NPHS1: variants seen among roughly 807,000 people sequenced by gnomAD.
The protein encoded by NPHS1 is NPHS1 adhesion molecule, nephrin, also known as nephrin.
In NPHS1, 107 loss-of-function variants were observed where a neutral mutation model predicts 139.7. That is an observed-to-expected ratio of 0.77 (90% CI 0.66 to 0.90). The LOEUF is 0.90. Ranked by LOEUF, NPHS1 falls within the 40% of genes least tolerant of loss-of-function variation. The pLI is 0.00. For synonymous variants in NPHS1, 707 were observed against 706.6 expected, an observed-to-expected ratio of 1.00 and a Z score of -0.01; for missense variants, 1,580 against 1,654.2, an observed-to-expected ratio of 0.96 and a Z score of 0.78.
rs768248111 is a variant in NPHS1 at position 35,844,225 on chromosome 19, C to A, written c.2090G>T (p.Arg697Leu). 6.2e-7 allele frequency: 1 copy of A among 1,612,934 alleles called. No individual in the cohort carries two copies. Among genetic ancestry groups the A allele is most frequent in the Non-Finnish European group, 8.5e-7 (1 of 1,179,896 alleles). ...RLSPAGGPRH[R>L]ILSSGALHLW... is the part of the protein sequence containing the mutation. ...ATGCAGAGCCCCGCTGGACAGGATG[C>A]GATGCCGGGGGCCGCCCGCTGGGGA... The change falls in exon 16 of 29, where the codon CGC (arginine) becomes CTC (leucine). Residue 697 changes from arginine to leucine, a missense_variant. By Grantham distance (102) the Arg-to-Leu change is moderately radical. Coordinates refer to ENST00000378910, the MANE Select transcript of NPHS1 (RefSeq NM_004646.4).
chr19:35,851,824 G>T lies in NPHS1; in HGVS notation c.14C>A (p.Thr5Lys), dbSNP rs191850409. Residue 5 changes from threonine (T) to lysine (K), a missense_variant, in exon 1 of 29, where the codon ACG becomes AAG. Thr to Lys is a moderately conservative substitution (Grantham distance 78). Coordinates refer to ENST00000378910, the MANE Select transcript of NPHS1 (RefSeq NM_004646.4). ...GAGCAGGAGAGAAGCCCTGAGCGTC[G>T]TCCCCAGGGCCATCACAGGTCCCCC... is the stretch of plus-strand genomic sequence containing the variant. Reference protein sequence around the residue: MALGTTLRASLLLLG... With the variant: MALGKTLRASLLLLG... 2 of 1,551,742 alleles carry T rather than the reference G, an allele frequency of 1.3e-6. No individual in the cohort carries two copies. The highest frequency in any genetic ancestry group is 2.7e-5 in the African/African-American group (2 of 73,038).
Position 35,831,326 on chromosome 19 carries a change from C to T in NPHS1, c.3357G>A (p.Trp1119Ter). ...RVRNEYEESQWTGERDTQSST... is the reference protein window; with the variant it reads ...RVRNEYEESQ ...AGCTCTGAGTGTCCCGCTCTCCTGT[C>T]CACTGGCTCTCCTCATATTCGTTCC... The change falls in exon 26 of 29, where the codon TGG (tryptophan) becomes TGA (stop). Residue 1119 changes from tryptophan to a stop codon, truncating the protein, a stop_gained. Transcript: ENST00000378910. LOFTEE classifies it high-confidence loss of function. The T allele has an allele frequency of 6.2e-7, 1 of 1,614,118 alleles. No homozygotes were observed. The highest frequency in any genetic ancestry group is 8.5e-7 in the Non-Finnish European group (1 of 1,180,012).
At position 35,825,911 on chromosome 19, in the gene NPHS1, G is replaced by A. The variant is rs1972795037; in HGVS notation, c.*603C>T. ...AAAACTTTACTTCATGAAGCACTTA[G>A]GGACCCTCAGAATAGCATTTTATTT... On this transcript the variant is annotated 3_prime_UTR_variant, in exon 29 of 29. Coordinates refer to ENST00000378910, the MANE Select transcript of NPHS1 (RefSeq NM_004646.4). 6.6e-6 allele frequency: 1 copy of A among 152,376 alleles called. No homozygotes were observed. The highest frequency in any genetic ancestry group is 1.5e-5 in the Non-Finnish European group (1 of 68,230). The allele number at this position is 152,376 out of a possible 1,614,324, so 9.4% of individuals were successfully genotyped here.
At chr19:35,841,657 A>T (rs1264296874) in intron 20 of NPHS1, 58 bp downstream of exon 20, 2 of 1,597,516 alleles carry the variant, frequency 1.3e-6, no homozygotes, top group Non-Finnish European at 1.7e-6. Flanking sequence ...CCAATCAGGG[A>T]TGTGGGAATG....
In NPHS1 at chr19:35,848,397, C is replaced by T; in HGVS notation, c.1171G>A (p.Gly391Arg). The change falls in exon 10 of 29, where the codon GGA becomes AGA. Residue 391 changes from glycine (G) to arginine (R), a missense_variant and splice_region_variant. By Grantham distance (125) the Gly-to-Arg change is moderately radical (BLOSUM62 -2). Transcript: ENST00000378910. ...ATGGAGATGTGACCGCCATGCAGTCCCTGGCAGGGAGTGAGCTTCAGACGT... is the reference window on the plus strand; with the variant it reads ...ATGGAGATGTGACCGCCATGCAGTCTCTGGCAGGGAGTGAGCTTCAGACGT... The part of the protein sequence containing the change: ...LLPMEETVMD[G>R]LHGGHISMSN... 1 of 1,614,118 alleles carries T rather than the reference C, an allele frequency of 6.2e-7. No homozygotes were observed. Among genetic ancestry groups the T allele is most frequent in the Non-Finnish European group, 8.5e-7 (1 of 1,180,020 alleles).
At chr19:35,841,993 T>C (rs1973062789) in intron 19 of NPHS1, 127 bp from the exon 20 acceptor site, 5 of 1,402,094 alleles carry the variant, frequency 3.6e-6, no homozygotes, top group African/African-American at 2.9e-5. Flanking sequence ...TATCTTTTCA[T>C]CCACTCAACC....
chr19:35,831,344 T>G lies in NPHS1; in HGVS notation c.3339A>C (p.Glu1113Asp). ...CTCCTGTCCACTGGCTCTCCTCATATTCGTTCCTGACTCGGTCCTCTTCCG... is the reference window on the plus strand; with the variant it reads ...CTCCTGTCCACTGGCTCTCCTCATAGTCGTTCCTGACTCGGTCCTCTTCCG... ...AGSEEDRVRN[E>D]YEESQWTGER... is the part of the protein sequence containing the mutation. Residue 1113 changes from glutamate to aspartate, a missense_variant, in exon 26 of 29, where the codon GAA becomes GAC. By Grantham distance (45) the Glu-to-Asp change is conservative (BLOSUM62 2). Coordinates refer to ENST00000378910, the MANE Select transcript of NPHS1 (RefSeq NM_004646.4). 1 of 1,614,016 alleles carries G rather than the reference T, an allele frequency of 6.2e-7. No homozygotes were observed. Among genetic ancestry groups the G allele is most frequent in the Non-Finnish European group, 8.5e-7 (1 of 1,179,990 alleles).
At position 35,846,012 on chromosome 19, in the gene NPHS1, C is replaced by A. The variant is rs999624549; in HGVS notation, c.1623G>T (p.Val541=). ...GQLSASTQLA[V]QFPPTNVTIL... Reference sequence around the variant, plus strand: ...CTCAGCAGTGCGAGCCCTCACACTGCACCGCCAGCTGCGTGGACGCGCTGA... The same window carrying A: ...CTCAGCAGTGCGAGCCCTCACACTGAACCGCCAGCTGCGTGGACGCGCTGA... Residue 541 remains valine, a synonymous_variant, in exon 12 of 29, where the codon GTG becomes GTT. Coordinates refer to ENST00000378910, the MANE Select transcript of NPHS1 (RefSeq NM_004646.4). 10 of 1,577,538 alleles carry A rather than the reference C, an allele frequency of 6.3e-6. No homozygotes were observed. The highest frequency in any genetic ancestry group is 2.3e-5 in the South Asian group (2 of 86,286).
chr19:35,840,280 C>T (rs959512362), intron 20 of NPHS1, among the ~76,000 whole-genome samples: 2 of 151,830 alleles, frequency 1.3e-5, no homozygotes, highest in Non-Finnish European at 2.9e-5. Flanking sequence ...GCTGGGATTA[C>T]AGGCATGAGC....
intron 28 of NPHS1, among the ~76,000 whole-genome samples, chr19:35,830,225 T>G (rs1406462859): frequency 6.6e-6 from 1 of 152,202 alleles, no homozygotes; most frequent in Non-Finnish European, 1.5e-5. Flanking sequence ...GTGACTCTCT[T>G]CCCACCAGGG....
chr19:35,834,705 C>T (rs1000115851), intron 23 of NPHS1, among the ~76,000 whole-genome samples: 7 of 151,504 alleles, frequency 4.6e-5, no homozygotes, highest in South Asian at 2.1e-4. Context: ...TCCTGGCTAA[C>T]GCGGTGAAAC....
At chr19:35,846,329 T>A (rs1023373260) in intron 11 of NPHS1, 135 bp from the exon 12 acceptor site, 1 of 876,176 alleles carries the variant, frequency 1.1e-6, no homozygotes, top group Non-Finnish European at 1.8e-6. Flanking sequence ...AGCACTCTCA[T>A]CAGCACCACC....
In NPHS1 at chr19:35,826,636, C is replaced by T; in HGVS notation, c.3604G>A (p.Asp1202Asn). ...LYDEVQMGPW[D>N]LHWPEDTYQD... ...TATGTGTCTTCAGGCCAGTGGAGGT[C>T]CCAGGGTCCCTGACAGGCAAAAAGT... The change falls in exon 29 of 29, where the codon GAC becomes AAC. Residue 1202 changes from aspartate (D) to asparagine (N), a missense_variant. Physicochemically the swap from Asp to Asn is conservative, Grantham distance 23 (BLOSUM62 1). Coordinates refer to ENST00000378910, the MANE Select transcript of NPHS1 (RefSeq NM_004646.4). The T allele has an allele frequency of 6.2e-7, 1 of 1,614,040 alleles. No homozygotes were observed.
chr19:35,831,933 CT>C (rs1459810341), intron 23 of NPHS1, among the ~76,000 whole-genome samples, 171 bp from the exon 24 acceptor site: 3 of 152,190 alleles, frequency 2.0e-5, no homozygotes, highest in Non-Finnish European at 4.4e-5. Context: ...CAGGTGGCTT[CT>C]TTCTTAAGTC....
At chr19:35,827,926 T>C (rs997867462) in intron 28 of NPHS1, among the ~76,000 whole-genome samples, 1 of 151,918 alleles carries the variant, frequency 6.6e-6, no homozygotes, top group Non-Finnish European at 1.5e-5. Flanking sequence ...CAAAAATAAA[T>C]AAATAAATAA....
intron 28 of NPHS1, among the ~76,000 whole-genome samples, chr19:35,828,556 G>T (rs1301894066): frequency 8.5e-5 from 13 of 152,166 alleles, no homozygotes. Context: ...GAGCCACCGT[G>T]CCCGGCCTGG....
intron 4 of NPHS1, among the ~76,000 whole-genome samples, chr19:35,850,720 G>A (rs1412226722): frequency 2.0e-5 from 3 of 152,076 alleles, no homozygotes; most frequent in Admixed American, 6.6e-5. Flanking sequence ...CTGCACCAGC[G>A]CTACTGCCCA....
At chr19:35,841,012 G>T (rs757135060) in intron 20 of NPHS1, among the ~76,000 whole-genome samples, 19 of 151,890 alleles carry the variant, frequency 1.3e-4, no homozygotes, top group Non-Finnish European at 2.4e-4. Flanking sequence ...GGAAGAGAAA[G>T]AATTCTGTTT....
intron 5 of NPHS1, 57 bp downstream of exon 5, chr19:35,850,307 G>A: frequency 7.2e-6 from 10 of 1,390,042 alleles, no homozygotes; most frequent in Non-Finnish European, 1.0e-5. Context: ...CTGGGGTCTG[G>A]GGTTCCCATG....
Sources: gnomAD v4.1 joint callset for allele counts (sites outside exome capture counted in the v4.1 genomes callset) on GRCh38, gnomAD v4.1.1 for gene constraint, MANE v1.5 for transcripts, NCBI Gene and HGNC (gene_info 2026-07-23, HGNC 2026-07-21) for gene names.